Variants in KIAA0232 observed in about 807,000 individuals in gnomAD.
KIAA0232 encodes the protein uncharacterized protein KIAA0232.
KIAA0232 carries 27 observed loss-of-function variants against 122.0 expected under a neutral mutation model. That is an observed-to-expected ratio of 0.22 (90% confidence interval 0.16 to 0.31). KIAA0232 has a LOEUF of 0.31. KIAA0232 is among the 10% of genes least tolerant of loss of function. KIAA0232 has a pLI of 1.00. For missense variants in KIAA0232, 1,551 were observed against 1,634.2 expected (o/e 0.95, Z 0.88); for synonymous variants, 613 against 587.6 (o/e 1.04, Z -0.63).
intron 4 of KIAA0232, among the ~76,000 whole-genome samples, chr4:6,856,338 G>A (rs1720570836): frequency 6.6e-6 from 1 of 152,090 alleles, no homozygotes; most frequent in Non-Finnish European, 1.5e-5. Flanking sequence ...TAAATCTAAA[G>A]TTTCTGAGAA....
chr4:6,784,889 A>G (rs932440183), intron 1 of KIAA0232, among the ~76,000 whole-genome samples: 1 of 152,076 alleles, frequency 6.6e-6, no homozygotes, highest in Non-Finnish European at 1.5e-5. Flanking sequence ...AAATCTAAGG[A>G]TAATTAGCTT....
intron 6 of KIAA0232, among the ~76,000 whole-genome samples, chr4:6,859,279 G>A (rs1212266158): frequency 6.6e-6 from 1 of 151,926 alleles, no homozygotes; most frequent in African/African-American, 2.4e-5. Context: ...AAAATAATCT[G>A]CATTATAAAC....
intron 3 of KIAA0232, among the ~76,000 whole-genome samples, chr4:6,825,820 G>A (rs528251493): frequency 1.3e-5 from 2 of 152,278 alleles, no homozygotes; most frequent in East Asian, 3.9e-4. Flanking sequence ...TTTTGTTGCA[G>A]TTTTAAACCA....
At position 6,862,538 on chromosome 4, in the gene KIAA0232, A is replaced by G. The variant is rs200375350; in HGVS notation, c.2156A>G (p.Glu719Gly). ...TGTAGTCCATGGTCCCATTCAGAAG[A>G]AACACGTTCAGACAATGAAACATTA... is the stretch of plus-strand genomic sequence containing the variant. Reference protein sequence around the residue: ...RTCSPWSHSEETRSDNETLNI... With the variant: ...RTCSPWSHSEGTRSDNETLNI... The change falls in exon 7 of 10, where the codon GAA becomes GGA. Residue 719 changes from glutamate to glycine, a missense_variant. By Grantham distance (98) the Glu-to-Gly change is moderately conservative. This residue lies in a region of KIAA0232 where 1,108 missense variants were observed against 1,154.8 expected (regional missense o/e 0.96). Coordinates refer to ENST00000307659, the MANE Select transcript of KIAA0232 (RefSeq NM_014743.3). 6.2e-7 allele frequency: 1 copy of G among 1,613,514 alleles called. No homozygotes were observed. The highest frequency in any genetic ancestry group is 1.3e-5 in the African/African-American group (1 of 75,026).
At chr4:6,844,000 C>T (rs1001500024) in intron 4 of KIAA0232, among the ~76,000 whole-genome samples, 2 of 125,026 alleles carry the variant, frequency 1.6e-5, no homozygotes, top group African/African-American at 3.0e-5. Context: ...AGTGCAGTGG[C>T]GCCATCTCGG....
chr4:6,856,169 T>A (rs371760959), intron 4 of KIAA0232, among the ~76,000 whole-genome samples: 5 of 152,172 alleles, frequency 3.3e-5, no homozygotes, highest in African/African-American at 9.7e-5. Flanking sequence ...TTGTGCTGAG[T>A]CATTTTGAGT....
chr4:6,795,617 T>C (rs1717099326), intron 1 of KIAA0232, among the ~76,000 whole-genome samples: 1 of 152,210 alleles, frequency 6.6e-6, no homozygotes, highest in African/African-American at 2.4e-5. Context: ...TTTTTTGAGC[T>C]AGGACATCAC....
At position 6,805,218 on chromosome 4, in the gene KIAA0232, A is replaced by G. The variant is rs532774432; in HGVS notation, c.-270+612A>G. On this transcript the variant is annotated intron_variant, in intron 2 of 9. Transcript: ENST00000307659. ...ATAGTTATCTTCAGAACCATATCTA[A>G]AGGCTTGATTTAATGTTGGAAGCAT... 3.6e-4 allele frequency among the ~76,000 whole-genome samples: 55 copies of G among 152,294 alleles called. 1 individual carries two copies. The highest frequency in any genetic ancestry group is 1.2e-3 in the African/African-American group (48 of 41,568).
chr4:6,847,660 A>G (rs1451858375), intron 4 of KIAA0232, among the ~76,000 whole-genome samples: 1 of 152,216 alleles, frequency 6.6e-6, no homozygotes, highest in Non-Finnish European at 1.5e-5. Context: ...AATGTTTTGC[A>G]TATGCTTTGA....
chr4:6,795,248 T>G (rs934914947), intron 1 of KIAA0232, among the ~76,000 whole-genome samples: 1 of 152,086 alleles, frequency 6.6e-6, no homozygotes, highest in Non-Finnish European at 1.5e-5. Flanking sequence ...TTTTTTTGTA[T>G]TTTTTAGTAG....
In KIAA0232 at chr4:6,829,431, T is replaced by A. The variant is rs1718856045; in HGVS notation, c.231+4747T>A. On this transcript the variant is annotated intron_variant, in intron 3 of 9. Coordinates refer to ENST00000307659, the MANE Select transcript of KIAA0232 (RefSeq NM_014743.3). ...TAGTTGGGTGGTTGAAAAGTGGTGA[T>A]TTTCCTAACTCAGTGATCCCCTCTA... 2.0e-5 allele frequency among the ~76,000 whole-genome samples: 3 copies of A among 152,194 alleles called. No homozygotes were observed. The South Asian group carries it at 6.2e-4, about 31-fold the overall frequency.
chr4:6,850,155 G>A (rs1560192354), intron 4 of KIAA0232, among the ~76,000 whole-genome samples: 1 of 152,190 alleles, frequency 6.6e-6, no homozygotes, highest in Non-Finnish European at 1.5e-5. Context: ...CTATAAAATA[G>A]ACATGCGTGG....
chr4:6,861,902 C>T lies in KIAA0232; in HGVS notation c.1520C>T (p.Thr507Met), dbSNP rs370839953. The T allele has an allele frequency of 9.4e-5, 152 of 1,613,882 alleles. No individual in the cohort carries two copies. Among genetic ancestry groups the T allele is most frequent in the Non-Finnish European group, 1.2e-4 (144 of 1,179,952 alleles). The change falls in exon 7 of 10, where the codon ACG becomes ATG. Residue 507 changes from threonine (T) to methionine (M), a missense_variant. By Grantham distance (81) the Thr-to-Met change is moderately conservative (BLOSUM62 -1). This residue lies in a region of KIAA0232 where 1,108 missense variants were observed against 1,154.8 expected (regional missense o/e 0.96). Transcript: ENST00000307659. ...YLDDIHLSEL[T>M]HFYEVDIDQS... ...GATGATATTCATCTATCAGAATTAACGCACTTCTATGAAGTGGATATTGAT... is the reference window on the plus strand; with the variant it reads ...GATGATATTCATCTATCAGAATTAATGCACTTCTATGAAGTGGATATTGAT...
intron 9 of KIAA0232, among the ~76,000 whole-genome samples, chr4:6,880,578 G>A (rs979200373): frequency 1.1e-4 from 17 of 152,216 alleles, no homozygotes; most frequent in Non-Finnish European, 2.1e-4. Context: ...TTGTCCAAGT[G>A]ACTGAACATG....
Position 6,861,960 on chromosome 4 carries a change from A to G in KIAA0232, c.1578A>G (p.Thr526=), listed in dbSNP as rs759945064. The part of the protein sequence containing the change: ...QSMLDPGASE[T]MQGESRILNM... ...TGTTGGATCCTGGTGCCTCAGAAAC[A>G]ATGCAAGGAGAAAGTCGGATTTTGA... The change falls in exon 7 of 10, where the codon ACA becomes ACG. Residue 526 remains threonine, a synonymous_variant. Coordinates refer to ENST00000307659, the MANE Select transcript of KIAA0232 (RefSeq NM_014743.3). 6 of 1,614,152 alleles carry G rather than the reference A, an allele frequency of 3.7e-6. No homozygotes were observed. The South Asian group carries it at 6.6e-5, about 18-fold the overall frequency.
In KIAA0232 at chr4:6,881,578, T is replaced by G. The variant is rs1722074156; in HGVS notation, c.*612T>G. 6.6e-6 allele frequency: 1 copy of G among 152,656 alleles called. No homozygotes were observed. The highest frequency in any genetic ancestry group is 1.5e-5 in the Non-Finnish European group (1 of 68,046). The allele number at this position is 152,656 out of a possible 1,614,324, so 9.5% of individuals were successfully genotyped here. A position where few individuals can be genotyped will look rare whatever the true frequency, so the allele number is the denominator to read the frequency against. On this transcript the variant is annotated 3_prime_UTR_variant, in exon 10 of 10. Coordinates refer to ENST00000307659, the MANE Select transcript of KIAA0232 (RefSeq NM_014743.3). ...TTCTCTCTTAGGATTTCTTTTCCCC[T>G]AAAGTATCACGGAAGATACTATGGT...
chr4:6,816,289 T>TG (rs1718122780), intron 2 of KIAA0232, among the ~76,000 whole-genome samples: 2 of 66,844 alleles, frequency 3.0e-5, no homozygotes, highest in South Asian at 8.5e-4. Context: ...CTTTTTTTTG[T>TG]TTTTTTTTTT....
chr4:6,800,395 T>C (rs934428852), intron 1 of KIAA0232, among the ~76,000 whole-genome samples: 1 of 150,828 alleles, frequency 6.6e-6, no homozygotes, highest in Non-Finnish European at 1.5e-5. Flanking sequence ...TATTTGAAAA[T>C]TTGGGGCCAG....
chr4:6,865,987 C>T (rs1009748796), intron 7 of KIAA0232, among the ~76,000 whole-genome samples: 28 of 152,172 alleles, frequency 1.8e-4, no homozygotes, highest in African/African-American at 6.8e-4. Context: ...GGACTGCTTG[C>T]CTGTGATTCT....
Sources: gnomAD v4.1 joint callset for allele counts (sites outside exome capture counted in the v4.1 genomes callset) on GRCh38, gnomAD v4.1.1 for gene constraint, gnomAD v4.1.1 regional missense constraint, MANE v1.5 for transcripts, NCBI Gene and HGNC (gene_info 2026-07-23, HGNC 2026-07-21) for gene names.